SLC25A21: variants seen among roughly 807,000 people sequenced by gnomAD.
SLC25A21 encodes the protein solute carrier family 25 member 21.
Under a neutral mutation model 43.8 loss-of-function variants are expected in SLC25A21, and 47 were observed. The observed-to-expected ratio is 1.07, with a 90% CI of 0.85 to 1.37. The LOEUF is 1.37. Ranked by LOEUF, SLC25A21 falls within the 40% of genes most tolerant of loss-of-function variation. The probability of loss-of-function intolerance (pLI) is 0.00; values close to 1 mark genes in which losing one functional copy is unlikely to be tolerated. For missense variants in SLC25A21, 352 were observed against 350.2 expected (o/e 1.00, Z -0.04); for synonymous variants, 131 against 121.3 (o/e 1.08, Z -0.52).
intron 3 of SLC25A21, among the ~76,000 whole-genome samples, chr14:36,781,232 T>C (rs1007992824): frequency 1.1e-4 from 16 of 152,188 alleles, no homozygotes; most frequent in African/African-American, 3.9e-4. Flanking sequence ...AGTGAATTTC[T>C]TGTAGGTAGC....
intron 1 of SLC25A21, among the ~76,000 whole-genome samples, chr14:37,163,422 T>G (rs973108949): frequency 4.6e-5 from 7 of 151,966 alleles, no homozygotes; most frequent in African/African-American, 1.7e-4. Context: ...AAAATACATA[T>G]CTGATAGAAT....
chr14:36,809,534 G>C (rs772712272), intron 3 of SLC25A21, among the ~76,000 whole-genome samples: 2 of 152,072 alleles, frequency 1.3e-5, no homozygotes, highest in South Asian at 4.1e-4. Flanking sequence ...AAAAATGTTA[G>C]AAACAGTAAA....
chr14:37,162,387 C>T (rs1359832458), intron 1 of SLC25A21, among the ~76,000 whole-genome samples: 1 of 152,200 alleles, frequency 6.6e-6, no homozygotes, highest in East Asian at 1.9e-4. Context: ...CTAGGGTTTA[C>T]TCATCTAACA....
intron 3 of SLC25A21, among the ~76,000 whole-genome samples, chr14:36,803,345 T>C (rs148831316): frequency 1.3e-5 from 2 of 152,330 alleles, no homozygotes; most frequent in African/African-American, 4.8e-5. Flanking sequence ...TAATGAGTTA[T>C]ATTGCAACAT....
Position 36,875,004 on chromosome 14 carries a change from C to T in SLC25A21, c.71G>A (p.Gly24Asp), listed in dbSNP as rs768382398. 6.4e-7 allele frequency: 1 copy of T among 1,557,962 alleles called. No individual in the cohort carries two copies. The change falls in exon 2 of 10, where the codon GGT (glycine) becomes GAT (aspartate). Residue 24 changes from glycine to aspartate, a missense_variant and splice_region_variant. Gly to Asp is a moderately conservative substitution (Grantham distance 94). Coordinates refer to ENST00000331299, the MANE Select transcript of SLC25A21 (RefSeq NM_030631.4). Reference sequence around the variant, plus strand: ...GTGCATCAGGCAAATTTCTACAAGACCTGAAAGATGATAAAGAAAATCCAA... The same window carrying T: ...GTGCATCAGGCAAATTTCTACAAGATCTGAAAGATGATAAAGAAAATCCAA... ...SRQIVAGGSA[G>D]LVEICLMHPL...
intron 4 of SLC25A21, among the ~76,000 whole-genome samples, chr14:36,730,505 GC>G (rs1884775080): frequency 1.3e-5 from 2 of 152,094 alleles, no homozygotes; most frequent in Non-Finnish European, 2.9e-5. Flanking sequence ...TTATTTTATA[GC>G]CCAGTAAAAT....
chr14:37,151,574 T>C (rs908599560), intron 1 of SLC25A21, among the ~76,000 whole-genome samples: 2 of 152,132 alleles, frequency 1.3e-5, no homozygotes. Flanking sequence ...AGAAGACTTA[T>C]GGGGGCAATA....
intron 1 of SLC25A21, among the ~76,000 whole-genome samples, chr14:37,095,490 C>T (rs1436130699): frequency 1.3e-5 from 2 of 152,128 alleles, no homozygotes; most frequent in Admixed American, 6.6e-5. Flanking sequence ...TGAACTCTAA[C>T]GTGGGCGACA....
intron 1 of SLC25A21, among the ~76,000 whole-genome samples, chr14:37,032,886 C>T (rs1228400394): frequency 7.9e-5 from 12 of 151,970 alleles, no homozygotes; most frequent in Non-Finnish European, 1.5e-4. Flanking sequence ...TCCTAAGTTT[C>T]AATGTACACA....
At chr14:36,827,913 T>C (rs1391989691) in intron 2 of SLC25A21, among the ~76,000 whole-genome samples, 1 of 152,216 alleles carries the variant, frequency 6.6e-6, no homozygotes, top group Non-Finnish European at 1.5e-5. Flanking sequence ...GAAAAACAAT[T>C]GCAAATCCCA....
At chr14:36,997,691 T>C (rs1449168163) in intron 1 of SLC25A21, among the ~76,000 whole-genome samples, 2 of 151,822 alleles carry the variant, frequency 1.3e-5, no homozygotes, top group African/African-American at 2.4e-5. Flanking sequence ...TAGCCGGGCA[T>C]AGTGGCAGGT....
intron 7 of SLC25A21, among the ~76,000 whole-genome samples, chr14:36,695,966 G>A (rs957351306): frequency 6.6e-6 from 1 of 152,178 alleles, no homozygotes; most frequent in Non-Finnish European, 1.5e-5. Context: ...TGGTGACAGA[G>A]GGCATCCTTG....
At chr14:36,684,670 A>G (rs1882448379) in intron 8 of SLC25A21, 74 bp downstream of exon 8, 3 of 1,400,290 alleles carry the variant, frequency 2.1e-6, no homozygotes, top group African/African-American at 1.4e-5. Context: ...GTTCTCATCT[A>G]AATGGAAGGA....
intron 2 of SLC25A21, among the ~76,000 whole-genome samples, chr14:36,869,817 C>T (rs1890318463): frequency 6.6e-6 from 1 of 152,030 alleles, no homozygotes; most frequent in Non-Finnish European, 1.5e-5. Context: ...ATAGTATCCC[C>T]AGAAAAGACA....
chr14:36,876,902 T>TAGAC (rs1890545921), intron 1 of SLC25A21, among the ~76,000 whole-genome samples: 1 of 132,926 alleles, frequency 7.5e-6, no homozygotes, highest in Admixed American at 8.0e-5. Flanking sequence ...GGATTATAGA[T>TAGAC]AGATAGATAG....
intron 1 of SLC25A21, among the ~76,000 whole-genome samples, chr14:36,952,569 A>C (rs1424494856): frequency 2.0e-5 from 3 of 152,266 alleles, no homozygotes; most frequent in East Asian, 3.9e-4. Flanking sequence ...ATCCTGAGCA[A>C]GGACAAATGA....
intron 2 of SLC25A21, among the ~76,000 whole-genome samples, chr14:36,863,405 A>G (rs1327612079): frequency 6.6e-6 from 1 of 150,848 alleles, no homozygotes; most frequent in African/African-American, 2.5e-5. Flanking sequence ...TAAAATTTAG[A>G]CAAAACAGAA....
intron 1 of SLC25A21, among the ~76,000 whole-genome samples, chr14:37,167,131 T>C (rs1001409599): frequency 1.3e-5 from 2 of 152,088 alleles, no homozygotes; most frequent in Non-Finnish European, 2.9e-5. Flanking sequence ...TAGGAGAGGG[T>C]TGAAAAATAA....
intron 3 of SLC25A21, among the ~76,000 whole-genome samples, chr14:36,794,801 C>G (rs1357183578): frequency 1.3e-5 from 2 of 151,540 alleles, no homozygotes; most frequent in African/African-American, 2.4e-5. Flanking sequence ...AAATAAGACT[C>G]TTCTCCAAGG....
Sources: allele counts gnomAD v4.1 joint callset (sites outside exome capture counted in the v4.1 genomes callset), GRCh38; gene constraint gnomAD v4.1.1; transcripts MANE v1.5; gene names NCBI Gene and HGNC (gene_info 2026-07-23, HGNC 2026-07-21).